Variants in SYTL3 observed in about 807,000 individuals in gnomAD.
SYTL3 encodes the protein synaptotagmin-like protein 3.
A neutral mutation model predicts 82.1 loss-of-function variants in SYTL3; 88 were observed. The observed-to-expected ratio is 1.07, with a 90% CI of 0.90 to 1.28. The LOEUF is 1.28. Among genes scored for constraint, SYTL3 ranks in the 50% most tolerant of loss-of-function variants. The pLI is 0.00. For missense variants in SYTL3, 831 were observed against 757.6 expected (o/e 1.10, Z -1.14); for synonymous variants, 311 against 289.4 (o/e 1.07, Z -0.76).
chr6:158,751,837 C>T, intron 12 of SYTL3, 91 bp from the exon 13 acceptor site: 4 of 938,260 alleles, frequency 4.3e-6, no homozygotes, highest in Non-Finnish European at 6.2e-6. Context: ...GTAAAGAAAA[C>T]GCTGGCATGT....
At chr6:158,731,602 CGTT>C (rs1023924579) in intron 11 of SYTL3, among the ~76,000 whole-genome samples, 5 of 151,904 alleles carry the variant, frequency 3.3e-5, no homozygotes, top group African/African-American at 9.7e-5. Context: ...TTTTTGTTGT[CGTT>C]GTTGTTGAGA....
chr6:158,649,279 T>C (rs994603191), upstream of SYTL3, among the ~76,000 whole-genome samples: 1 of 152,340 alleles, frequency 6.6e-6, no homozygotes, highest in Admixed American at 6.5e-5. Flanking sequence ...AGCAAACATT[T>C]ATTTGCCACT....
chr6:158,657,430 A>G (rs1788815812), intron 2 of SYTL3, among the ~76,000 whole-genome samples: 1 of 120,756 alleles, frequency 8.3e-6, no homozygotes, highest in South Asian at 2.8e-4. Flanking sequence ...TGGCTCAAAA[A>G]AAAAAAAAAA....
intron 6 of SYTL3, among the ~76,000 whole-genome samples, chr6:158,683,699 A>G (rs898655072): frequency 1.2e-4 from 18 of 152,262 alleles, no homozygotes; most frequent in Admixed American, 9.2e-4. Context: ...CTCTACAAGC[A>G]GTAACTGTGA....
In SYTL3 at chr6:158,665,489, G is replaced by C; in HGVS notation, c.205G>C (p.Val69Leu). ...GAAGTGCTGTGCGCGCTGCCAGCAGGTGCTGGGGTTCCTGCTGCACCGGGG... is the reference window on the plus strand; with the variant it reads ...GAAGTGCTGTGCGCGCTGCCAGCAGCTGCTGGGGTTCCTGCTGCACCGGGG... ...KEKCCARCQQ[V>L]LGFLLHRGAV... The change falls in exon 5 of 18, where the codon GTG becomes CTG. Residue 69 changes from valine (V) to leucine (L), a missense_variant. Transcript: ENST00000611299. The C allele has an allele frequency of 3.1e-6, 5 of 1,605,598 alleles. No individual in the cohort carries two copies. Among genetic ancestry groups the C allele is most frequent in the Non-Finnish European group, 4.3e-6 (5 of 1,176,316 alleles).
chr6:158,686,317 G>A (rs573714657), intron 6 of SYTL3, among the ~76,000 whole-genome samples: 6 of 152,248 alleles, frequency 3.9e-5, no homozygotes, highest in East Asian at 3.9e-4. Context: ...TGCTGATGTC[G>A]TTTCTATCAA....
intron 2 of SYTL3, among the ~76,000 whole-genome samples, chr6:158,660,122 G>A (rs935104753): frequency 6.6e-6 from 1 of 152,038 alleles, no homozygotes; most frequent in Non-Finnish European, 1.5e-5. Context: ...AAAATTAGCC[G>A]GGCGTGGTGG....
At chr6:158,680,865 TGAA>T (rs1457163474) in intron 5 of SYTL3, among the ~76,000 whole-genome samples, 1 of 139,570 alleles carries the variant, frequency 7.2e-6, no homozygotes, top group Admixed American at 7.0e-5. Flanking sequence ...TCTAACCAGA[TGAA>T]GGAGAGAAAG....
At chr6:158,739,320 A>G (rs1786616366) in intron 11 of SYTL3, among the ~76,000 whole-genome samples, 3 of 152,226 alleles carry the variant, frequency 2.0e-5, no homozygotes, top group South Asian at 4.1e-4. Context: ...ATCATAGGTA[A>G]CAGATCCTTT....
At chr6:158,747,450 G>C (rs1159280831) in intron 12 of SYTL3, among the ~76,000 whole-genome samples, 1 of 151,956 alleles carries the variant, frequency 6.6e-6, no homozygotes, top group African/African-American at 2.4e-5. Flanking sequence ...CAGCCTCAAA[G>C]TCCTAGTAGG....
chr6:158,743,512 C>T (rs1358169424), intron 11 of SYTL3, among the ~76,000 whole-genome samples: 3 of 151,712 alleles, frequency 2.0e-5, no homozygotes, highest in Non-Finnish European at 4.4e-5. Context: ...TCAGGCTGCT[C>T]ACACCTTTTG....
At chr6:158,651,087 T>A (rs1787952009) in intron 1 of SYTL3, among the ~76,000 whole-genome samples, 1 of 152,160 alleles carries the variant, frequency 6.6e-6, no homozygotes, top group Non-Finnish European at 1.5e-5. Context: ...AGAGTGTGAG[T>A]TTAGGTAAGT....
At chr6:158,697,698 AT>A (rs35721236) in intron 6 of SYTL3, among the ~76,000 whole-genome samples, 93,684 of 151,850 alleles carry the variant, frequency 0.62, 30,017 homozygotes, top group African/African-American at 0.77. Context: ...GCCTATATTC[AT>A]TTTTTTTAGA....
intron 9 of SYTL3, among the ~76,000 whole-genome samples, chr6:158,716,270 C>T (rs1002003114): frequency 6.6e-6 from 1 of 152,188 alleles, no homozygotes; most frequent in African/African-American, 2.4e-5. Flanking sequence ...TAATACTGAC[C>T]TATAAGCCTA....
At chr6:158,656,811 C>T (rs1267922922) in intron 2 of SYTL3, among the ~76,000 whole-genome samples, 5 of 152,178 alleles carry the variant, frequency 3.3e-5, no homozygotes, top group African/African-American at 7.2e-5. Context: ...GTGGTGATGG[C>T]GGGACAGTGT....
At chr6:158,717,781 G>T (rs1783596029) in intron 9 of SYTL3, among the ~76,000 whole-genome samples, 1 of 152,146 alleles carries the variant, frequency 6.6e-6, no homozygotes, top group Admixed American at 6.5e-5. Flanking sequence ...GTGTGACCTG[G>T]AACGCAGAGG....
At chr6:158,738,151 C>CCT (rs1323877522) in intron 11 of SYTL3, among the ~76,000 whole-genome samples, 9 of 152,184 alleles carry the variant, frequency 5.9e-5, no homozygotes, top group Non-Finnish European at 1.3e-4. Flanking sequence ...GACACTCACG[C>CCT]CTGCATGCTG....
chr6:158,715,803 C>CAGG (rs1783352004), intron 9 of SYTL3, among the ~76,000 whole-genome samples: 1 of 152,016 alleles, frequency 6.6e-6, no homozygotes, highest in African/African-American at 2.4e-5. Flanking sequence ...GTCTCTGCCA[C>CAGG]AGGACACTTA....
chr6:158,654,729 G>A (rs1788458968), intron 2 of SYTL3, among the ~76,000 whole-genome samples: 1 of 152,166 alleles, frequency 6.6e-6, no homozygotes, highest in African/African-American at 2.4e-5. Context: ...TGAAGCAGCT[G>A]GCCTGAGAGC....
Sources: allele counts gnomAD v4.1 joint callset (sites outside exome capture counted in the v4.1 genomes callset), GRCh38; gene constraint gnomAD v4.1.1; transcripts MANE v1.5; gene names NCBI Gene and HGNC (gene_info 2026-07-23, HGNC 2026-07-21).